The following DDC variants were observed in gnomAD, a reference collection of about 807,000 sequenced individuals.
DDC encodes the protein dopa decarboxylase.
In DDC, 43 loss-of-function variants were observed where a neutral mutation model predicts 60.0. The observed-to-expected ratio is 0.72, with a 90% CI of 0.56 to 0.92. The LOEUF (loss-of-function observed/expected upper bound fraction) is 0.92. Ranked by LOEUF, DDC falls within the 40% of genes least tolerant of loss-of-function variation. DDC has a pLI of 0.00. For synonymous variants in DDC, 232 were observed against 234.6 expected, an observed-to-expected ratio of 0.99 and a Z score of 0.10; for missense variants, 573 against 620.2, an observed-to-expected ratio of 0.92 and a Z score of 0.81.
At chr7:50,497,372 G>T (rs1279604219) in intron 8 of DDC, among the ~76,000 whole-genome samples, 3 of 152,200 alleles carry the variant, frequency 2.0e-5, no homozygotes, top group Non-Finnish European at 4.4e-5. Flanking sequence ...ACCTCAAGTT[G>T]TCAGTTCTTG....
intron 12 of DDC, among the ~76,000 whole-genome samples, chr7:50,468,048 CG>C (rs1355455659): frequency 1.3e-5 from 2 of 152,278 alleles, no homozygotes; most frequent in Admixed American, 6.5e-5. Flanking sequence ...CCCTCCGTGG[CG>C]TAGGCCCGTG....
At chr7:50,520,732 G>A (rs2043865868) in intron 6 of DDC, among the ~76,000 whole-genome samples, 1 of 152,050 alleles carries the variant, frequency 6.6e-6, no homozygotes, top group African/African-American at 2.4e-5. Flanking sequence ...TGACCAACAT[G>A]GTGAAATCCC....
At chr7:50,538,095 T>A (rs1445501197) in intron 3 of DDC, 116 bp from the exon 4 acceptor site, 28 of 1,292,378 alleles carry the variant, frequency 2.2e-5, no homozygotes, top group Non-Finnish European at 3.0e-5. Flanking sequence ...TCACCCAATC[T>A]CAGATGTGAT....
At chr7:50,529,416 T>C in intron 4 of DDC, 74 bp from the exon 5 acceptor site, 1 of 1,553,894 alleles carries the variant, frequency 6.4e-7, no homozygotes, top group East Asian at 2.2e-5. Context: ...TTGGAAGACA[T>C]ATTGTTTTGT....
Position 50,535,232 on chromosome 7 carries a change from C to T in DDC, c.435+2628G>A, listed in dbSNP as rs113946940. ...AGTGCAATGGCAAGGTCTTGGCTCA[C>T]GGCAACCTCTGCCTCCCAGGTTCAA... is the stretch of plus-strand genomic sequence containing the variant. On this transcript the variant is annotated intron_variant, in intron 4 of 14. Transcript: ENST00000444124. Among the ~76,000 whole-genome samples, 299 of 152,128 alleles carry T rather than the reference C, an allele frequency of 2.0e-3. 2 individuals carry two copies. The highest frequency in any genetic ancestry group is 6.7e-3 in the African/African-American group (280 of 41,490).
chr7:50,549,435 G>A (rs903339935), intron 1 of DDC, among the ~76,000 whole-genome samples: 1 of 152,116 alleles, frequency 6.6e-6, no homozygotes, highest in Non-Finnish European at 1.5e-5. Context: ...GGTGGATCAC[G>A]AGGTCAGGAG....
intron 14 of DDC, among the ~76,000 whole-genome samples, chr7:50,459,155 C>T (rs529622247): frequency 2.1e-4 from 32 of 152,370 alleles, no homozygotes; most frequent in African/African-American, 7.0e-4. Context: ...GACGGGGTTT[C>T]GCTGTGTTGG....
chr7:50,487,127 G>A (rs181336479), intron 9 of DDC, among the ~76,000 whole-genome samples: 3 of 152,216 alleles, frequency 2.0e-5, no homozygotes, highest in Non-Finnish European at 4.4e-5. Flanking sequence ...GATATGTCAT[G>A]TGGAAATAAT....
chr7:50,528,508 C>T (rs1405713675), intron 5 of DDC, among the ~76,000 whole-genome samples: 2 of 152,104 alleles, frequency 1.3e-5, no homozygotes, highest in Non-Finnish European at 2.9e-5. Flanking sequence ...TTTAAAGTAT[C>T]AGGCACTAAC....
intron 12 of DDC, 57 bp downstream of exon 12, chr7:50,470,016 T>TAAAAAAAAAAA: frequency 9.2e-7 from 1 of 1,083,510 alleles, no homozygotes; most frequent in Non-Finnish European, 1.4e-6. Context: ...AATTTATTTC[T>TAAAAAAAAAAA]AAAGTCCCGA....
chr7:50,555,050 A>T (rs1233461104), intron 1 of DDC, among the ~76,000 whole-genome samples: 1 of 152,090 alleles, frequency 6.6e-6, no homozygotes, highest in African/African-American at 2.4e-5. Context: ...CATCCCTCGG[A>T]TGGAGAGATG....
At chr7:50,546,852 A>G (rs1370505877) in intron 1 of DDC, among the ~76,000 whole-genome samples, 2 of 152,264 alleles carry the variant, frequency 1.3e-5, no homozygotes, top group African/African-American at 2.4e-5. Flanking sequence ...ACTAACAAGC[A>G]TGAGAACAAC....
intron 6 of DDC, among the ~76,000 whole-genome samples, chr7:50,517,813 T>G (rs886080941): frequency 2.7e-5 from 4 of 146,676 alleles, no homozygotes; most frequent in African/African-American, 7.7e-5. Flanking sequence ...TCAAGAACAC[T>G]TTTATAATAG....
chr7:50,524,340 A>C (rs752254701), intron 6 of DDC, among the ~76,000 whole-genome samples: 18 of 152,260 alleles, frequency 1.2e-4, no homozygotes, highest in Non-Finnish European at 2.4e-4. Context: ...AATCAATTTT[A>C]ATAAATGTAT....
intron 6 of DDC, among the ~76,000 whole-genome samples, chr7:50,508,465 C>T (rs1585203096): frequency 6.6e-6 from 1 of 152,208 alleles, no homozygotes; most frequent in African/African-American, 2.4e-5. Flanking sequence ...TCTGTGCTCA[C>T]GTAAGTGCCT....
At chr7:50,516,593 T>G (rs1340428923) in intron 6 of DDC, among the ~76,000 whole-genome samples, 9 of 148,612 alleles carry the variant, frequency 6.1e-5, no homozygotes, top group Admixed American at 1.3e-4. Flanking sequence ...CAGAACTAAA[T>G]GAAATTGAAA....
At chr7:50,558,888 G>A (rs1384702031) in intron 1 of DDC, among the ~76,000 whole-genome samples, 3 of 152,200 alleles carry the variant, frequency 2.0e-5, no homozygotes, top group African/African-American at 4.8e-5. Flanking sequence ...GCACATGAGA[G>A]AACAGGGGAA....
At chr7:50,493,088 T>A (rs2043044191) in intron 9 of DDC, 2 of 1,165,426 alleles carry the variant, frequency 1.7e-6, no homozygotes, top group Non-Finnish European at 2.5e-6. Context: ...CCAAAATATT[T>A]CTGGTCCCTG....
intron 6 of DDC, among the ~76,000 whole-genome samples, chr7:50,510,798 G>A (rs955503627): frequency 9.9e-5 from 15 of 151,596 alleles, no homozygotes; most frequent in Admixed American, 3.3e-4. Context: ...TGGCTAACAC[G>A]GTAAAACCCC....
Sources: allele counts gnomAD v4.1 joint callset (sites outside exome capture counted in the v4.1 genomes callset), GRCh38; gene constraint gnomAD v4.1.1; transcripts MANE v1.5; gene names NCBI Gene and HGNC (gene_info 2026-07-23, HGNC 2026-07-21).